The following IFT80 variants were observed in gnomAD, a reference collection of about 807,000 sequenced individuals.
IFT80 encodes intraflagellar transport protein 80 homolog.
Under a neutral mutation model 107.9 loss-of-function variants are expected in IFT80, and 79 were observed. The ratio of observed to expected loss-of-function variants is 0.73; its 90% CI spans 0.61 to 0.88. The LOEUF is 0.88. Among genes scored for constraint, IFT80 ranks in the 40% least tolerant of loss-of-function variants. IFT80 has a pLI of 0.00. For missense variants in IFT80, 797 were observed against 914.2 expected (o/e 0.87, Z 1.65); for synonymous variants, 299 against 300.9 (o/e 0.99, Z 0.07).
intron 12 of IFT80, among the ~76,000 whole-genome samples, chr3:160,290,212 G>C (rs1160278698): frequency 6.6e-6 from 1 of 151,826 alleles, no homozygotes; most frequent in Non-Finnish European, 1.5e-5. Flanking sequence ...TTTGAGACCC[G>C]CCTGGCCAAC....
intron 9 of IFT80, among the ~76,000 whole-genome samples, chr3:160,309,523 T>G (rs1327006229): frequency 6.6e-6 from 1 of 152,032 alleles, no homozygotes; most frequent in Non-Finnish European, 1.5e-5. Context: ...CTGTCTCTAC[T>G]AAAAATACAA....
Position 160,257,879 on chromosome 3 carries a change from C to T in IFT80, c.*646G>A. The T allele has an allele frequency of 6.6e-6, 1 of 152,670 alleles. No homozygotes were observed. 9.5% of individuals were successfully genotyped at this position (152,670 alleles called of 1,614,324 possible). On this transcript the variant is annotated 3_prime_UTR_variant, in exon 20 of 20. Transcript: ENST00000326448. ...TTGGCCTTTTGTGTCTGGCTTATTT[C>T]ACTTAGCATAGTGTTTTCAAGGTTT...
At chr3:160,281,167 CT>C (rs1431252898) in intron 14 of IFT80, among the ~76,000 whole-genome samples, 1 of 152,172 alleles carries the variant, frequency 6.6e-6, no homozygotes, top group Admixed American at 6.5e-5. Context: ...TCAAGAGTCA[CT>C]CTTCTACAGG....
chr3:160,267,459 A>C (rs1713433955), intron 19 of IFT80, among the ~76,000 whole-genome samples: 1 of 152,202 alleles, frequency 6.6e-6, no homozygotes, highest in Non-Finnish European at 1.5e-5. Flanking sequence ...CCAGAGTGAG[A>C]TATCATACAT....
intron 6 of IFT80, among the ~76,000 whole-genome samples, chr3:160,364,991 T>TA (rs1721766103): frequency 7.0e-6 from 1 of 143,674 alleles, no homozygotes. Flanking sequence ...CCCTAGAACT[T>TA]AAAGTATAAT....
rs1301728017 is a variant in IFT80 at position 160,300,913 on chromosome 3, T to C, written c.1285A>G (p.Ile429Val). The C allele has an allele frequency of 1.9e-6, 3 of 1,609,314 alleles. No individual in the cohort carries two copies. The highest frequency in any genetic ancestry group is 2.2e-5 in the East Asian group (1 of 44,674). Residue 429 changes from isoleucine to valine, a missense_variant, in exon 12 of 20, where the codon ATA (isoleucine) becomes GTA (valine). By Grantham distance (29) the Ile-to-Val change is conservative. Coordinates refer to ENST00000326448, the MANE Select transcript of IFT80 (RefSeq NM_020800.3). Reference sequence around the variant, plus strand: ...TCATCAGCTTTGTCTCTTATTGCTATGGTATCATTACTCAAAGACACAGTC... The same window carrying C: ...TCATCAGCTTTGTCTCTTATTGCTACGGTATCATTACTCAAAGACACAGTC... ...AQTVSLSNDT[I>V]AIRDKADEKI...
chr3:160,287,104 G>A (rs1046243978), intron 12 of IFT80, among the ~76,000 whole-genome samples: 9 of 152,162 alleles, frequency 5.9e-5, no homozygotes, highest in South Asian at 2.1e-4. Context: ...AATTCTGAAC[G>A]CCAAAGCTCA....
In IFT80 at chr3:160,314,922, T is replaced by C. The variant is rs377604239; in HGVS notation, c.957+4838A>G. 2.6e-5 allele frequency among the ~76,000 whole-genome samples: 4 copies of C among 151,926 alleles called. No homozygotes were observed. The East Asian group carries it at 5.8e-4, about 22-fold the overall frequency. On this transcript the variant is annotated intron_variant, in intron 9 of 19. Transcript: ENST00000326448. Reference sequence around the variant, plus strand: ...AATTTATAGGTTTATTTTGCCAAGGTTGGGGATGTGCCCAGGAAAAAGGAA... The same window carrying C: ...AATTTATAGGTTTATTTTGCCAAGGCTGGGGATGTGCCCAGGAAAAAGGAA...
intron 1 of IFT80, among the ~76,000 whole-genome samples, chr3:160,392,403 A>G (rs967401421): frequency 1.3e-5 from 2 of 152,172 alleles, no homozygotes; most frequent in Non-Finnish European, 2.9e-5. Flanking sequence ...TTTTATATCT[A>G]TTTGACAACT....
intron 2 of IFT80, chr3:160,384,245 CAAA>C (rs201854757): frequency 2.4e-3 from 428 of 176,212 alleles, no homozygotes; most frequent in South Asian, 6.3e-3. Flanking sequence ...GACTCTGTCT[CAAA>C]AAAAAAAAAA....
intron 12 of IFT80, chr3:160,299,186 C>CT: frequency 9.8e-7 from 1 of 1,022,292 alleles, no homozygotes; most frequent in Non-Finnish European, 1.2e-6. Flanking sequence ...CATCTGGATA[C>CT]TATATTATTC....
chr3:160,368,833 A>G (rs1216987083), intron 5 of IFT80, among the ~76,000 whole-genome samples: 1 of 151,990 alleles, frequency 6.6e-6, no homozygotes, highest in Non-Finnish European at 1.5e-5. Flanking sequence ...CTTCATAAAT[A>G]CACTCAGTAA....
At chr3:160,376,734 G>A (rs562068839) in intron 4 of IFT80, among the ~76,000 whole-genome samples, 127 of 152,314 alleles carry the variant, frequency 8.3e-4, no homozygotes, top group African/African-American at 2.1e-3. Flanking sequence ...GGAGACACCA[G>A]CTGTCCTATT....
intron 12 of IFT80, among the ~76,000 whole-genome samples, chr3:160,296,211 A>C (rs1347381914): frequency 2.0e-5 from 3 of 152,194 alleles, no homozygotes; most frequent in Non-Finnish European, 4.4e-5. Context: ...CCTAAAAAAA[A>C]CTGCCTGGAA....
intron 9 of IFT80, among the ~76,000 whole-genome samples, chr3:160,317,927 C>A (rs1261852831): frequency 6.6e-6 from 1 of 151,894 alleles, no homozygotes; most frequent in Non-Finnish European, 1.5e-5. Context: ...ATGTAGGAAA[C>A]AACTGGACAT....
chr3:160,328,023 A>G (rs1718799020), intron 8 of IFT80, among the ~76,000 whole-genome samples: 1 of 152,184 alleles, frequency 6.6e-6, no homozygotes, highest in Non-Finnish European at 1.5e-5. Context: ...AAAGTGGGCA[A>G]AGGACATGAA....
chr3:160,279,385 G>A, intron 15 of IFT80, 21 bp from the exon 16 acceptor site: 3 of 1,604,720 alleles, frequency 1.9e-6, no homozygotes, highest in East Asian at 2.2e-5. Context: ...AAAAAGCAAA[G>A]TACAATTTAA....
chr3:160,382,180 A>G (rs1280551884), intron 2 of IFT80, among the ~76,000 whole-genome samples: 14 of 152,158 alleles, frequency 9.2e-5, no homozygotes, highest in Admixed American at 9.2e-4. Flanking sequence ...TTTGCTAAGG[A>G]AAAAATAATC....
intron 8 of IFT80, 45 bp from the exon 9 acceptor site, chr3:160,319,984 AT>A: frequency 6.6e-7 from 1 of 1,509,370 alleles, no homozygotes; most frequent in Non-Finnish European, 9.1e-7. Flanking sequence ...CTGAAAAAAA[AT>A]TTTTAGGAAG....
Sources: gnomAD v4.1 joint callset for allele counts (sites outside exome capture counted in the v4.1 genomes callset) on GRCh38, gnomAD v4.1.1 for gene constraint, MANE v1.5 for transcripts, NCBI Gene and HGNC (gene_info 2026-07-23, HGNC 2026-07-21) for gene names.